Variants in BCR observed in about 807,000 individuals in gnomAD.
BCR encodes the protein BCR activator of RhoGEF and GTPase, also known as breakpoint cluster region protein.
In BCR, 58 loss-of-function variants were observed where a neutral mutation model predicts 138.6. The ratio of observed to expected loss-of-function variants is 0.42; its 90% CI spans 0.34 to 0.52. The LOEUF (loss-of-function observed/expected upper bound fraction) is 0.52. BCR is among the 20% of genes least tolerant of loss of function. The probability of loss-of-function intolerance (pLI) is 0.06; values close to 1 mark genes in which losing one functional copy is unlikely to be tolerated. For missense variants in BCR, 1,599 were observed against 1,727.2 expected (o/e 0.93, Z 1.32); for synonymous variants, 786 against 730.1 (o/e 1.08, Z -1.23).
At chr22:23,192,320 T>C (rs2072426192) in intron 1 of BCR, among the ~76,000 whole-genome samples, 1 of 152,058 alleles carries the variant, frequency 6.6e-6, no homozygotes, top group Admixed American at 6.5e-5. Flanking sequence ...TCAGACTGAG[T>C]GGTTGTGTTA....
intron 1 of BCR, among the ~76,000 whole-genome samples, chr22:23,207,407 T>G (rs1278500902): frequency 6.6e-6 from 1 of 152,146 alleles, no homozygotes; most frequent in Non-Finnish European, 1.5e-5. Flanking sequence ...GAGGGTCGCT[T>G]GAGCCCAGGA....
chr22:23,270,418 T>G (rs2073496510), intron 5 of BCR, among the ~76,000 whole-genome samples: 1 of 152,166 alleles, frequency 6.6e-6, no homozygotes, highest in Non-Finnish European at 1.5e-5. Context: ...CCTAGATAAC[T>G]CCCAAGCATC....
intron 1 of BCR, among the ~76,000 whole-genome samples, chr22:23,225,177 A>G (rs1408746182): frequency 6.8e-6 from 1 of 147,600 alleles, no homozygotes; most frequent in Non-Finnish European, 1.5e-5. Flanking sequence ...AATTGACTTG[A>G]CTGGTCTGTG....
chr22:23,228,682 C>T lies in BCR; in HGVS notation c.1280-25117C>T, dbSNP rs1324798424. 2.0e-5 allele frequency among the ~76,000 whole-genome samples: 3 copies of T among 152,066 alleles called. No individual in the cohort carries two copies. In the East Asian group the frequency reaches 5.8e-4, roughly 29 times the overall value. On this transcript the variant is annotated intron_variant, in intron 1 of 22. Coordinates refer to ENST00000305877, the MANE Select transcript of BCR (RefSeq NM_004327.4). ...CTTTTAGGACTTTAAGATGTTTCAT[C>T]CTCTTCTGGCCTCTATAGTTTCTGA...
At chr22:23,200,864 G>A (rs2072545337) in intron 1 of BCR, among the ~76,000 whole-genome samples, 1 of 152,146 alleles carries the variant, frequency 6.6e-6, no homozygotes, top group Non-Finnish European at 1.5e-5. Flanking sequence ...CTGGCCAAGG[G>A]GGCTTTTCAA....
intron 1 of BCR, among the ~76,000 whole-genome samples, chr22:23,196,349 C>A (rs1287397273): frequency 6.6e-6 from 1 of 152,126 alleles, no homozygotes; most frequent in African/African-American, 2.4e-5. Context: ...GTAACGGTAA[C>A]ATAAGGCAGG....
intron 1 of BCR, among the ~76,000 whole-genome samples, chr22:23,226,325 A>AGTGT (rs1262546204): frequency 4.0e-5 from 2 of 50,362 alleles, no homozygotes; most frequent in African/African-American, 1.0e-4. Flanking sequence ...AGAGAGAGAG[A>AGTGT]GAGTGTGTGT....
At chr22:23,296,564 G>GC (rs2073847798) in intron 16 of BCR, among the ~76,000 whole-genome samples, 2 of 152,130 alleles carry the variant, frequency 1.3e-5, no homozygotes, top group Admixed American at 6.5e-5. Context: ...CGGAGGTGCA[G>GC]CTACTGCCTG....
chr22:23,212,903 GT>G (rs1410788604), intron 1 of BCR, among the ~76,000 whole-genome samples: 2 of 152,350 alleles, frequency 1.3e-5, no homozygotes, highest in East Asian at 3.9e-4. Flanking sequence ...TCATAAATCA[GT>G]GTCTTGTCTG....
intron 1 of BCR, among the ~76,000 whole-genome samples, chr22:23,219,868 C>T (rs1198632669): frequency 1.3e-5 from 2 of 151,440 alleles, no homozygotes; most frequent in Non-Finnish European, 2.9e-5. Flanking sequence ...TGTTTCCCTC[C>T]TCCGGCCGCT....
chr22:23,254,078 A>T (rs2073265453), intron 2 of BCR, 98 bp downstream of exon 2: 5 of 1,387,566 alleles, frequency 3.6e-6, no homozygotes, highest in Non-Finnish European at 4.8e-6. Flanking sequence ...GTGGTGGAGC[A>T]GCCAATGGTT....
intron 17 of BCR, chr22:23,309,800 G>T (rs1287136456): frequency 1.2e-5 from 5 of 430,696 alleles, no homozygotes; most frequent in Non-Finnish European, 2.1e-5. Context: ...TTGTCTTTAG[G>T]TACCCCAGAA....
chr22:23,218,524 T>C (rs373540111), intron 1 of BCR, among the ~76,000 whole-genome samples: 2 of 152,094 alleles, frequency 1.3e-5, no homozygotes, highest in South Asian at 4.1e-4. Flanking sequence ...ACCACCTCAG[T>C]CCCTGCCAGT....
At chr22:23,228,624 T>C (rs558641529) in intron 1 of BCR, among the ~76,000 whole-genome samples, 5 of 152,354 alleles carry the variant, frequency 3.3e-5, no homozygotes, top group East Asian at 1.9e-4. Context: ...GATATTTTCA[T>C]TGGATATAAC....
At chr22:23,201,322 C>CT (rs1426449904) in intron 1 of BCR, among the ~76,000 whole-genome samples, 5 of 152,324 alleles carry the variant, frequency 3.3e-5, no homozygotes, top group African/African-American at 1.2e-4. Context: ...GCTGGCAGTG[C>CT]TTACCTCCTG....
At chr22:23,271,726 T>C in intron 6 of BCR, 134 bp downstream of exon 6, 1 of 829,664 alleles carries the variant, frequency 1.2e-6, no homozygotes, top group Non-Finnish European at 1.9e-6. Context: ...TCTCTTCAGA[T>C]AGAGTGGGCA....
intron 1 of BCR, among the ~76,000 whole-genome samples, chr22:23,236,672 C>T (rs982373598): frequency 6.6e-6 from 1 of 152,248 alleles, no homozygotes; most frequent in Non-Finnish European, 1.5e-5. Context: ...TAGATGTCTG[C>T]TGTGTTCCTG....
chr22:23,254,239 C>T (rs776272547), intron 2 of BCR, among the ~76,000 whole-genome samples: 4 of 151,962 alleles, frequency 2.6e-5, no homozygotes, highest in Non-Finnish European at 5.9e-5. Flanking sequence ...CTGAGAATGT[C>T]AGCACCAGAG....
chr22:23,313,927 G>C, intron 20 of BCR, 41 bp from the exon 21 acceptor site: 1 of 1,541,414 alleles, frequency 6.5e-7, no homozygotes, highest in Non-Finnish European at 9.0e-7. Context: ...GAGGTCTCTG[G>C]CTCGTTGTGA....
Sources: allele counts gnomAD v4.1 joint callset (sites outside exome capture counted in the v4.1 genomes callset), GRCh38; gene constraint gnomAD v4.1.1; transcripts MANE v1.5; gene names NCBI Gene and HGNC (gene_info 2026-07-23, HGNC 2026-07-21).